Variants in NLGN4X observed in about 807,000 individuals in gnomAD.
NLGN4X encodes the protein neuroligin-4, X-linked.
Under a neutral mutation model 40.3 loss-of-function variants are expected in NLGN4X, and 3 were observed. The ratio of observed to expected loss-of-function variants is 0.07; its 90% CI spans 0.03 to 0.19. The LOEUF (loss-of-function observed/expected upper bound fraction) is 0.19. Among genes scored for constraint, NLGN4X ranks in the 10% least tolerant of loss-of-function variants. NLGN4X has a pLI of 1.00. For missense variants in NLGN4X, 382 were observed against 708.3 expected (o/e 0.54, Z 5.23); for synonymous variants, 270 against 306.8 (o/e 0.88, Z 1.25).
chrX:5,985,649 T>C (rs1405420939), intron 3 of NLGN4X, among the ~76,000 whole-genome samples: 1 of 111,266 alleles, frequency 9.0e-6, no homozygotes, highest in Non-Finnish European at 1.9e-5. Flanking sequence ...AGTAGCACAA[T>C]TTAGGATAGA....
At chrX:6,034,778 G>A (rs1186904668) in intron 2 of NLGN4X, among the ~76,000 whole-genome samples, 2 of 107,937 alleles carry the variant, frequency 1.9e-5, no homozygotes, top group African/African-American at 6.8e-5. Context: ...GTACGATCTC[G>A]GCTCACGACA....
At chrX:5,951,475 G>T (rs1209476092) in intron 3 of NLGN4X, among the ~76,000 whole-genome samples, 1 of 111,249 alleles carries the variant, frequency 9.0e-6, no homozygotes, top group African/African-American at 3.3e-5. Flanking sequence ...TTGGGGAGCA[G>T]TATATGATTC....
chrX:6,163,235 G>C (rs1023040063), intron 1 of NLGN4X, among the ~76,000 whole-genome samples: 1 of 111,766 alleles, frequency 8.9e-6, no homozygotes, highest in Non-Finnish European at 1.9e-5. Context: ...TGTGAAAAAA[G>C]ACTAATACAG....
At chrX:5,926,004 C>G (rs777811290) in intron 3 of NLGN4X, among the ~76,000 whole-genome samples, 39 of 97,814 alleles carry the variant, frequency 4.0e-4, no homozygotes, top group Non-Finnish European at 6.8e-4. Context: ...GGCTGTGTCC[C>G]CACCCAAATC....
chrX:5,995,429 T>A (rs1340591066), intron 3 of NLGN4X, among the ~76,000 whole-genome samples: 2 of 112,655 alleles, frequency 1.8e-5, no homozygotes, highest in Non-Finnish European at 3.7e-5. Flanking sequence ...CGAAGCCATA[T>A]GACTAATGCA....
At chrX:5,899,100 A>T (rs1196045176) in intron 5 of NLGN4X, among the ~76,000 whole-genome samples, 1 of 112,331 alleles carries the variant, frequency 8.9e-6, no homozygotes, top group Non-Finnish European at 1.9e-5. Flanking sequence ...TTGTATTTGA[A>T]TCCACACGTT....
rs779028969 is a variant in NLGN4X at position 5,909,571 on chromosome X, G to A, written c.626-332C>T. ...ACTAGGTTCAAGGTATCATTTCTGTGCACATTTTCATTTTCTTTTTTGAAA... is the reference window on the plus strand; with the variant it reads ...ACTAGGTTCAAGGTATCATTTCTGTACACATTTTCATTTTCTTTTTTGAAA... On this transcript the variant is annotated intron_variant, in intron 3 of 5. Coordinates refer to ENST00000381095, the MANE Select transcript of NLGN4X (RefSeq NM_181332.3). Among the ~76,000 whole-genome samples the A allele has an allele frequency of 1.0e-4, 11 of 107,250 alleles. No individual in the cohort carries two copies. In the East Asian group the frequency reaches 3.2e-3, roughly 31 times the overall value. 93.1% of individuals were successfully genotyped at this position (107,250 alleles called of 115,157 possible).
At chrX:6,185,651 T>G (rs778808173) in intron 1 of NLGN4X, among the ~76,000 whole-genome samples, 2 of 112,497 alleles carry the variant, frequency 1.8e-5, no homozygotes, top group South Asian at 3.7e-4. Flanking sequence ...AAAAGTTCAG[T>G]GAAGCGGAAT....
intron 3 of NLGN4X, among the ~76,000 whole-genome samples, chrX:6,012,131 C>T (rs140326595): frequency 2.8e-3 from 315 of 112,477 alleles, no homozygotes; most frequent in African/African-American, 9.7e-3. Flanking sequence ...GATTTAATCA[C>T]AGAGGGAAAA....
At chrX:6,084,413 T>A (rs1162772220) in intron 2 of NLGN4X, among the ~76,000 whole-genome samples, 4 of 111,603 alleles carry the variant, frequency 3.6e-5, no homozygotes, top group Non-Finnish European at 7.5e-5. Flanking sequence ...CTTGGGTTGA[T>A]GGTGGGGGTT....
At chrX:5,918,051 C>A (rs1422072304) in intron 3 of NLGN4X, among the ~76,000 whole-genome samples, 1 of 111,391 alleles carries the variant, frequency 9.0e-6, no homozygotes, top group Non-Finnish European at 1.9e-5. Flanking sequence ...AATGCTCATT[C>A]AACAATGTAT....
intron 3 of NLGN4X, among the ~76,000 whole-genome samples, chrX:6,008,715 A>AT (rs950833424): frequency 1.4e-4 from 16 of 111,831 alleles, no homozygotes; most frequent in Non-Finnish European, 2.6e-4. Context: ...CATTTAAACT[A>AT]TTTTTTGGTG....
At chrX:5,978,535 A>C (rs1391274616) in intron 3 of NLGN4X, among the ~76,000 whole-genome samples, 1 of 111,493 alleles carries the variant, frequency 9.0e-6, no homozygotes, top group Admixed American at 9.7e-5. Flanking sequence ...AGGCAGAATT[A>C]GTAGGCAAAA....
intron 2 of NLGN4X, among the ~76,000 whole-genome samples, chrX:6,040,835 T>C (rs1363010608): frequency 1.8e-5 from 2 of 112,133 alleles, no homozygotes; most frequent in Non-Finnish European, 3.8e-5. Context: ...TAATATACCA[T>C]ACACATCACC....
intron 3 of NLGN4X, 121 bp downstream of exon 3, chrX:6,029,159 G>T: frequency 1.2e-6 from 1 of 813,530 alleles, no homozygotes; most frequent in Non-Finnish European, 1.8e-6. Context: ...AGTAAATACC[G>T]TGAAGTGGAA....
intron 2 of NLGN4X, among the ~76,000 whole-genome samples, chrX:6,049,143 G>A (rs1378869643): frequency 1.1e-5 from 1 of 94,037 alleles, no homozygotes; most frequent in African/African-American, 3.9e-5. Context: ...ATGATAACAG[G>A]AGGATGTAAA....
chrX:6,071,300 G>C (rs963720813), intron 2 of NLGN4X, among the ~76,000 whole-genome samples: 1 of 111,395 alleles, frequency 9.0e-6, no homozygotes, highest in Non-Finnish European at 1.9e-5. Flanking sequence ...AGTAATTGTA[G>C]CTGAAGACAG....
At chrX:5,963,076 C>A (rs754954621) in intron 3 of NLGN4X, among the ~76,000 whole-genome samples, 1 of 109,218 alleles carries the variant, frequency 9.2e-6, no homozygotes, top group African/African-American at 3.4e-5. Flanking sequence ...TAAGTAGAAG[C>A]CAGAAAAGTT....
At chrX:6,160,520 A>C (rs192031029) in intron 1 of NLGN4X, among the ~76,000 whole-genome samples, 8 of 101,502 alleles carry the variant, frequency 7.9e-5, no homozygotes, top group Non-Finnish European at 7.9e-5. Flanking sequence ...ATATGAAATT[A>C]TATCTATAAA....
Sources: allele counts gnomAD v4.1 joint callset (sites outside exome capture counted in the v4.1 genomes callset), GRCh38; gene constraint gnomAD v4.1.1; transcripts MANE v1.5; gene names NCBI Gene and HGNC (gene_info 2026-07-23, HGNC 2026-07-21).